The following SCNN1B variants were observed in gnomAD, a reference collection of about 807,000 sequenced individuals.
The protein encoded by SCNN1B is sodium channel epithelial 1 subunit beta.
A neutral mutation model predicts 65.3 loss-of-function variants in SCNN1B; 46 were observed. The observed-to-expected ratio is 0.70, with a 90% CI of 0.56 to 0.90. The LOEUF (loss-of-function observed/expected upper bound fraction) is 0.90. SCNN1B is among the 40% of genes least tolerant of loss of function. The pLI, the probability that SCNN1B is intolerant of heterozygous loss-of-function variation, is 0.00. For missense variants in SCNN1B, 751 were observed against 830.5 expected (o/e 0.90, Z 1.18); for synonymous variants, 349 against 330.6 (o/e 1.06, Z -0.60).
intron 4 of SCNN1B, among the ~76,000 whole-genome samples, chr16:23,367,625 C>A (rs1962696115): frequency 1.3e-5 from 2 of 152,206 alleles, no homozygotes; most frequent in African/African-American, 4.8e-5. Context: ...AACTCATGGC[C>A]AAACCAGAGA....
intron 1 of SCNN1B, among the ~76,000 whole-genome samples, chr16:23,344,019 G>A (rs1251198712): frequency 6.6e-6 from 1 of 152,338 alleles, no homozygotes; most frequent in East Asian, 1.9e-4. Context: ...CTAGTTAGAT[G>A]CTCAGCCAAT....
chr16:23,348,570 G>T lies in SCNN1B; in HGVS notation c.-8-22G>T. ...GCAAGGCTGGTGTCCCAGCTGATGT[G>T]CGTCCCCATGCCTCTCTGCAGGTGC... is the stretch of plus-strand genomic sequence containing the variant. On this transcript the variant is annotated intron_variant, in intron 1 of 12. Coordinates refer to ENST00000343070, the MANE Select transcript of SCNN1B (RefSeq NM_000336.3). The surrounding 1 kb of genome is among the most constrained non-coding windows in gnomAD (Gnocchi z 4.5). 1.2e-6 allele frequency: 2 copies of T among 1,610,854 alleles called. No homozygotes were observed. Among genetic ancestry groups the T allele is most frequent in the Non-Finnish European group, 1.7e-6 (2 of 1,179,258 alleles).
At chr16:23,293,561 C>A (rs1412321859) in intron 2 of SCNN1B, among the ~76,000 whole-genome samples, 2 of 152,104 alleles carry the variant, frequency 1.3e-5, no homozygotes, top group Non-Finnish European at 2.9e-5. Flanking sequence ...AGAAAAAGTT[C>A]TGGAGATGGA....
intron 1 of SCNN1B, among the ~76,000 whole-genome samples, chr16:23,345,173 G>A (rs1413965677): frequency 6.6e-6 from 1 of 152,188 alleles, no homozygotes; most frequent in East Asian, 1.9e-4. Context: ...TAGACGTGAA[G>A]GTCTGACCTT....
intron 4 of SCNN1B, among the ~76,000 whole-genome samples, chr16:23,364,656 G>C (rs914032241): frequency 3.3e-5 from 5 of 152,174 alleles, no homozygotes; most frequent in African/African-American, 1.2e-4. Flanking sequence ...ACTTGGGCCA[G>C]GGTGGGAGCG....
At position 23,377,148 on chromosome 16, in the gene SCNN1B, TTC is replaced by T; in HGVS notation, c.1271-15_1271-14del. 6.2e-7 allele frequency: 1 copy of T among 1,612,834 alleles called. No individual in the cohort carries two copies. Among genetic ancestry groups the T allele is most frequent in the African/African-American group, 1.3e-5 (1 of 75,032 alleles). ...GCCCCCTTAAACCTCTTGGCCGCCT[TTC>T]TGTCTCCTGCGCAGCCCATTGCTAC... On this transcript the variant is annotated splice_polypyrimidine_tract_variant and intron_variant, in intron 8 of 12. Transcript: ENST00000343070.
intron 4 of SCNN1B, among the ~76,000 whole-genome samples, chr16:23,360,880 C>T (rs189530397): frequency 1.3e-5 from 2 of 150,988 alleles, no homozygotes; most frequent in South Asian, 4.2e-4. Flanking sequence ...CCACAAGCTC[C>T]GCCTCCCGGG....
chr16:23,379,127 CCATCCTCCACTCATT>C (rs1193219647), intron 11 of SCNN1B, among the ~76,000 whole-genome samples: 3 of 149,804 alleles, frequency 2.0e-5, no homozygotes, highest in Non-Finnish European at 3.0e-5. Flanking sequence ...ACACACCCAG[CCATCCTCCACTCATT>C]CATCCTCCAT....
intron 1 of SCNN1B, among the ~76,000 whole-genome samples, chr16:23,317,023 A>C (rs915955629): frequency 1.3e-5 from 2 of 152,258 alleles, no homozygotes; most frequent in Admixed American, 1.3e-4. Context: ...ATGGGGTAAC[A>C]GACCCAAAGG....
At chr16:23,287,991 C>CA (rs113127053) in intron 2 of SCNN1B, among the ~76,000 whole-genome samples, 19,610 of 114,420 alleles carry the variant, frequency 0.17, 3,277 homozygotes, top group African/African-American at 0.44. Flanking sequence ...CCCATCTCTA[C>CA]AAAAAAAAAA....
At chr16:23,349,067 A>T (rs1753036350) in intron 2 of SCNN1B, among the ~76,000 whole-genome samples, 157 bp downstream of exon 2, 1 of 136,692 alleles carries the variant, frequency 7.3e-6, no homozygotes, top group Non-Finnish European at 1.6e-5. Context: ...TCCCTTTATT[A>T]CTTTTCCTTC....
At chr16:23,344,142 A>C (rs1178439043) in intron 1 of SCNN1B, among the ~76,000 whole-genome samples, 1 of 152,196 alleles carries the variant, frequency 6.6e-6, no homozygotes, top group Non-Finnish European at 1.5e-5. Flanking sequence ...TTACTTAAGC[A>C]CGTTTATGAA....
intron 1 of SCNN1B, among the ~76,000 whole-genome samples, chr16:23,344,992 G>A (rs531398955): frequency 6.7e-6 from 1 of 149,364 alleles, no homozygotes; most frequent in South Asian, 2.2e-4. Context: ...AGAGCCTGTC[G>A]AGAGAGAGGA....
At chr16:23,305,577 T>TA (rs1418310041) in intron 1 of SCNN1B, among the ~76,000 whole-genome samples, 253 of 23,634 alleles carry the variant, frequency 0.011, 9 homozygotes, top group African/African-American at 0.049. Context: ...TATATATATA[T>TA]TATATATATA....
chr16:23,344,848 G>A (rs144702492), intron 1 of SCNN1B, among the ~76,000 whole-genome samples: 39 of 152,264 alleles, frequency 2.6e-4, no homozygotes, highest in African/African-American at 8.7e-4. Context: ...ACAAAAATTA[G>A]CTGGGCATGG....
At chr16:23,340,214 T>C (rs1417596559) in intron 1 of SCNN1B, among the ~76,000 whole-genome samples, 1 of 152,238 alleles carries the variant, frequency 6.6e-6, no homozygotes, top group South Asian at 2.1e-4. Flanking sequence ...GTCAGACATA[T>C]GTATTCCAAG....
Position 23,371,762 on chromosome 16 carries a change from C to T in SCNN1B, c.1045-14C>T, listed in dbSNP as rs2063223267. 1 of 1,605,896 alleles carries T rather than the reference C, an allele frequency of 6.2e-7. No individual in the cohort carries two copies. The highest frequency in any genetic ancestry group is 8.5e-7 in the Non-Finnish European group (1 of 1,172,536). The stretch of plus-strand genomic sequence containing the variant: ...GTGACCAGTGTCCCCCTCAAGCAAC[C>T]CCTCTAAACACAGGACAAGCTTCAG... On this transcript the variant is annotated splice_polypyrimidine_tract_variant and intron_variant, in intron 6 of 12. Transcript: ENST00000343070.
intron 7 of SCNN1B, chr16:23,372,089 C>A: frequency 1.6e-6 from 1 of 628,986 alleles, no homozygotes; most frequent in South Asian, 1.8e-5. Context: ...CTCATCCCCA[C>A]ATTGGCAGGT....
intron 1 of SCNN1B, among the ~76,000 whole-genome samples, chr16:23,322,347 C>CTA (rs1424730623): frequency 6.6e-6 from 1 of 152,114 alleles, no homozygotes; most frequent in Non-Finnish European, 1.5e-5. Context: ...ATCACCTAGG[C>CTA]TAGAGTGCAG....
Sources: allele counts gnomAD v4.1 joint callset (sites outside exome capture counted in the v4.1 genomes callset), GRCh38; gene constraint gnomAD v4.1.1; non-coding constraint Gnocchi (gnomAD v3.1); transcripts MANE v1.5; gene names NCBI Gene and HGNC (gene_info 2026-07-23, HGNC 2026-07-21).